Variants in SV2B observed in about 807,000 individuals in gnomAD.
SV2B encodes synaptic vesicle glycoprotein 2B.
SV2B carries 41 observed loss-of-function variants against 73.9 expected under a neutral mutation model. The ratio of observed to expected loss-of-function variants is 0.56; its 90% CI spans 0.43 to 0.72. SV2B has a LOEUF of 0.72. Among genes scored for constraint, SV2B ranks in the 30% least tolerant of loss-of-function variants. The pLI is 0.00. For synonymous variants in SV2B, 314 were observed against 314.2 expected, an observed-to-expected ratio of 1.00 and a Z score of 0.01; for missense variants, 764 against 857.8, an observed-to-expected ratio of 0.89 and a Z score of 1.37.
At chr15:91,243,294 G>A (rs540032131) in intron 2 of SV2B, among the ~76,000 whole-genome samples, 8 of 152,128 alleles carry the variant, frequency 5.3e-5, no homozygotes, top group East Asian at 1.9e-4. Flanking sequence ...CCTCTTACCC[G>A]TCTCACCTGG....
chr15:91,285,438 G>C (rs1006424318), intron 11 of SV2B, among the ~76,000 whole-genome samples: 2 of 152,216 alleles, frequency 1.3e-5, no homozygotes, highest in Non-Finnish European at 2.9e-5. Flanking sequence ...ACTCAGCAAT[G>C]CTGCTGAACT....
Position 91,267,669 on chromosome 15 carries a change from G to T in SV2B, c.1208+26G>T, listed in dbSNP as rs558884459. The T allele has an allele frequency of 4.5e-6, 7 of 1,569,092 alleles. No homozygotes were observed. The highest frequency in any genetic ancestry group is 3.5e-5 in the Admixed American group (2 of 57,792). Reference sequence around the variant, plus strand: ...GTAAGTTCTGTCTTACTTAAATTTCGTAATTCCCTGTGCCTCAGTGGCCTC... The same window carrying T: ...GTAAGTTCTGTCTTACTTAAATTTCTTAATTCCCTGTGCCTCAGTGGCCTC... On this transcript the variant is annotated intron_variant, in intron 8 of 12. Transcript: ENST00000394232. This position sits in a 1 kb window ranked among gnomAD's most constrained non-coding sequence, Gnocchi z 4.3.
At chr15:91,168,301 C>A (rs1174614045) in intron 1 of SV2B, among the ~76,000 whole-genome samples, 6 of 137,198 alleles carry the variant, frequency 4.4e-5, no homozygotes, top group Admixed American at 7.3e-5. Flanking sequence ...TGGTGAGATA[C>A]GAGAGAGAGA....
intron 2 of SV2B, among the ~76,000 whole-genome samples, chr15:91,250,657 C>A (rs925844655): frequency 2.6e-5 from 4 of 152,058 alleles, no homozygotes; most frequent in African/African-American, 9.7e-5. Context: ...AGTAATGTTT[C>A]TATATGCTAA....
rs2046423695 is a variant in SV2B, at chr15:91,227,525, T to C, written c.451+811T>C. On this transcript the variant is annotated intron_variant, in intron 2 of 12. Transcript: ENST00000394232. The surrounding 1 kb of genome is among the most constrained non-coding windows in gnomAD (Gnocchi z 4.5). ...CCCTCTAAATTTAGAGTCTATGAAA[T>C]TAATTGTGCAGCAAACATGTAGTTA... 6.6e-6 allele frequency among the ~76,000 whole-genome samples: 1 copy of C among 152,198 alleles called. No individual in the cohort carries two copies.
At chr15:91,181,942 C>T (rs1343934476) in intron 1 of SV2B, among the ~76,000 whole-genome samples, 1 of 152,000 alleles carries the variant, frequency 6.6e-6, no homozygotes, top group Non-Finnish European at 1.5e-5. Flanking sequence ...TAGGTAGACA[C>T]ATATATGTAT....
In SV2B at chr15:91,139,264, G is replaced by A. The variant is rs1373080887; in HGVS notation, c.-392+38901G>A. 1.3e-5 allele frequency among the ~76,000 whole-genome samples: 2 copies of A among 152,072 alleles called. No homozygotes were observed. Among genetic ancestry groups the A allele is most frequent in the African/African-American group, 2.4e-5 (1 of 41,394 alleles). ...GATTGGAATGAGTTGATAATTGTTC[G>A]AGTTAGCTGGTGGGTACATGGTAGT... On this transcript the variant is annotated intron_variant, in intron 1 of 12. Transcript: ENST00000394232. This position sits in a 1 kb window ranked among gnomAD's most constrained non-coding sequence, Gnocchi z 5.2.
intron 1 of SV2B, among the ~76,000 whole-genome samples, chr15:91,155,848 G>A (rs1360315509): frequency 6.6e-6 from 1 of 152,088 alleles, no homozygotes; most frequent in Non-Finnish European, 1.5e-5. Context: ...CGTTAAGGTA[G>A]ATAGTTGTCT....
chr15:91,208,547 A>C (rs1369625787), intron 1 of SV2B, among the ~76,000 whole-genome samples: 2 of 152,202 alleles, frequency 1.3e-5, no homozygotes, highest in African/African-American at 4.8e-5. Context: ...TGGACCCTGG[A>C]TGATGCCTGA....
At chr15:91,273,888 G>A (rs1028682250) in intron 9 of SV2B, among the ~76,000 whole-genome samples, 15 of 152,088 alleles carry the variant, frequency 9.9e-5, no homozygotes, top group South Asian at 2.1e-4. Context: ...GCATATACAT[G>A]TGTATCATAA....
chr15:91,144,646 G>C (rs914813174), intron 1 of SV2B, among the ~76,000 whole-genome samples: 4 of 152,208 alleles, frequency 2.6e-5, no homozygotes, highest in African/African-American at 9.7e-5. Flanking sequence ...CCAGCTCAGA[G>C]GCATTGACCA....
intron 1 of SV2B, among the ~76,000 whole-genome samples, chr15:91,186,202 T>A (rs927648521): frequency 5.3e-5 from 8 of 152,210 alleles, no homozygotes; most frequent in African/African-American, 1.4e-4. Flanking sequence ...TGAGATGGAT[T>A]TATTTTACAC....
At chr15:91,176,717 T>C (rs952773791) in intron 1 of SV2B, among the ~76,000 whole-genome samples, 193 of 151,890 alleles carry the variant, frequency 1.3e-3, no homozygotes, top group Middle Eastern at 3.4e-3. Context: ...TCATATCCTT[T>C]GCCCACTTTT....
In SV2B at chr15:91,122,155, C is replaced by T. The variant is rs2042358003; in HGVS notation, c.-392+21792C>T. Among the ~76,000 whole-genome samples the T allele has an allele frequency of 6.6e-6, 1 of 152,154 alleles. No individual in the cohort carries two copies. Among genetic ancestry groups the T allele is most frequent in the Admixed American group, 6.5e-5 (1 of 15,280 alleles). On this transcript the variant is annotated intron_variant, in intron 1 of 12. Coordinates refer to ENST00000394232, the MANE Select transcript of SV2B (RefSeq NM_001323032.3). The surrounding 1 kb of genome is among the most constrained non-coding windows in gnomAD (Gnocchi z 4.3). Reference sequence around the variant, plus strand: ...ACTGAACTCCCAATATGTGCTAAACCATCTCCTCTTTGGACTCCCACTATC... The same window carrying T: ...ACTGAACTCCCAATATGTGCTAAACTATCTCCTCTTTGGACTCCCACTATC...
intron 1 of SV2B, among the ~76,000 whole-genome samples, chr15:91,221,693 G>GCGCGCGCGCACACA (rs370290337): frequency 0.039 from 5,399 of 140,062 alleles, 276 homozygotes; most frequent in African/African-American, 0.12. Flanking sequence ...AAGCATGTGC[G>GCGCGCGCGCACACA]CACACACACA....
intron 1 of SV2B, among the ~76,000 whole-genome samples, chr15:91,205,084 T>G (rs2045588253): frequency 6.6e-6 from 1 of 152,216 alleles, no homozygotes; most frequent in African/African-American, 2.4e-5. Context: ...TAGAAAGAAG[T>G]TTATCCATCC....
chr15:91,285,784 G>T (rs1181847731), intron 11 of SV2B, among the ~76,000 whole-genome samples: 1 of 152,104 alleles, frequency 6.6e-6, no homozygotes, highest in African/African-American at 2.4e-5. Flanking sequence ...AAGTTCTGGG[G>T]GAGGCAGGGT....
intron 1 of SV2B, among the ~76,000 whole-genome samples, chr15:91,193,056 CAGTGG>C (rs1189974177): frequency 2.0e-5 from 3 of 152,226 alleles, no homozygotes; most frequent in African/African-American, 7.2e-5. Context: ...TGTTAATCCA[CAGTGG>C]TCCCTTCGAC....
rs1410143273 is a variant in SV2B, at chr15:91,300,011, C to T, written c.*7459C>T. 6.7e-6 allele frequency: 1 copy of T among 150,310 alleles called. No individual in the cohort carries two copies. Among genetic ancestry groups the T allele is most frequent in the African/African-American group, 2.5e-5 (1 of 39,692 alleles). 9.3% of individuals were successfully genotyped at this position (150,310 alleles called of 1,614,324 possible). A position where few individuals can be genotyped will look rare whatever the true frequency, so the allele number is the denominator to read the frequency against. Reference sequence around the variant, plus strand: ...ATTTTTGACATGTAAAAGTAGAAAACAAACCATCCATAGTGTGTGCATATA... The same window carrying T: ...ATTTTTGACATGTAAAAGTAGAAAATAAACCATCCATAGTGTGTGCATATA... On this transcript the variant is annotated 3_prime_UTR_variant, in exon 13 of 13. Transcript: ENST00000394232.
Sources: allele counts gnomAD v4.1 joint callset (sites outside exome capture counted in the v4.1 genomes callset), GRCh38; gene constraint gnomAD v4.1.1; non-coding constraint Gnocchi (gnomAD v3.1); transcripts MANE v1.5; gene names NCBI Gene and HGNC (gene_info 2026-07-23, HGNC 2026-07-21).